The following UTRN variants were observed in gnomAD, a reference collection of about 807,000 sequenced individuals.
The protein encoded by UTRN is utrophin.
UTRN carries 283 observed loss-of-function variants against 463.9 expected under a neutral mutation model. The observed-to-expected ratio is 0.61, with a 90% confidence interval of 0.55 to 0.67. The LOEUF is 0.67. Ranked by LOEUF, UTRN falls within the 30% of genes least tolerant of loss-of-function variation. The pLI is 0.00. For missense variants in UTRN, 3,922 were observed against 4,084.3 expected (o/e 0.96, Z 1.08); for synonymous variants, 1,442 against 1,431.5 (o/e 1.01, Z -0.17).
At chr6:144,491,558 G>A (rs1420410582) in intron 32 of UTRN, among the ~76,000 whole-genome samples, 3 of 151,924 alleles carry the variant, frequency 2.0e-5, no homozygotes, top group Non-Finnish European at 4.4e-5. Flanking sequence ...GATATATAAG[G>A]CCTTATTACT....
At chr6:144,627,178 A>C in intron 51 of UTRN, among the ~76,000 whole-genome samples, 1 of 48,330 alleles carries the variant, frequency 2.1e-5, no homozygotes, top group Non-Finnish European at 4.0e-5. Flanking sequence ...GGGGTGGGGT[A>C]GGGTTGGGGG....
chr6:144,728,241 A>G (rs1389040397), intron 53 of UTRN, among the ~76,000 whole-genome samples: 2 of 152,116 alleles, frequency 1.3e-5, no homozygotes, highest in Non-Finnish European at 2.9e-5. Flanking sequence ...TTTAAGTAAC[A>G]TGATTTTTCA....
chr6:144,640,492 C>G (rs1777656612), intron 51 of UTRN, among the ~76,000 whole-genome samples: 3 of 152,004 alleles, frequency 2.0e-5, no homozygotes, highest in Non-Finnish European at 4.4e-5. Flanking sequence ...TATTTCTGTA[C>G]TAAGATCATG....
At position 144,499,332 on chromosome 6, in the gene UTRN, T is replaced by G. The variant is rs200445483; in HGVS notation, c.4669T>G (p.Ser1557Ala). ...AATGAAGAAAGAGGCTGCTTCTCTC[T>G]CTGAATGGCTTTCTGCTACTGAAAC... ...RKMKKEAASL[S>A]EWLSATETEL... Residue 1557 changes from serine to alanine, a missense_variant, in exon 34 of 75, where the codon TCT becomes GCT. By Grantham distance (99) the Ser-to-Ala change is moderately conservative (BLOSUM62 1). Transcript: ENST00000367545. 1.2e-5 allele frequency: 20 copies of G among 1,613,840 alleles called. No homozygotes were observed. The highest frequency in any genetic ancestry group is 4.5e-5 in the East Asian group (2 of 44,882).
chr6:144,402,302 C>T (rs575300747), intron 2 of UTRN, among the ~76,000 whole-genome samples: 5 of 152,214 alleles, frequency 3.3e-5, no homozygotes, highest in South Asian at 2.1e-4. Context: ...TGAGGAAAAG[C>T]GATGTTATAA....
At chr6:144,290,234 CA>C (rs1311407466) in intron 1 of UTRN, among the ~76,000 whole-genome samples, 2 of 152,080 alleles carry the variant, frequency 1.3e-5, no homozygotes, top group Non-Finnish European at 2.9e-5. Context: ...ATACATAGTC[CA>C]AATTCAGATT....
chr6:144,338,769 A>C (rs1293482790), intron 2 of UTRN, among the ~76,000 whole-genome samples: 1 of 152,166 alleles, frequency 6.6e-6, no homozygotes, highest in Non-Finnish European at 1.5e-5. Context: ...TGGATTTCGT[A>C]GGTACAGATT....
At chr6:144,470,564 C>T (rs987595632) in intron 23 of UTRN, among the ~76,000 whole-genome samples, 11 of 150,516 alleles carry the variant, frequency 7.3e-5, no homozygotes, top group African/African-American at 1.2e-4. Flanking sequence ...CGGGAAGAGG[C>T]GCTCCTCACT....
intron 17 of UTRN, among the ~76,000 whole-genome samples, chr6:144,449,105 A>G (rs1164258130): frequency 1.3e-5 from 2 of 152,086 alleles, no homozygotes; most frequent in Admixed American, 1.3e-4. Flanking sequence ...TTTCACTGTC[A>G]CAACTCGACA....
chr6:144,333,262 A>G (rs1584317025), intron 2 of UTRN: 1 of 152,146 alleles, frequency 6.6e-6, no homozygotes, highest in East Asian at 1.9e-4. Flanking sequence ...TTTTAATTCA[A>G]TACAGTCTTC....
intron 9 of UTRN, among the ~76,000 whole-genome samples, chr6:144,433,993 G>C (rs1786250937): frequency 6.6e-6 from 1 of 152,244 alleles, no homozygotes; most frequent in South Asian, 2.1e-4. Flanking sequence ...AAGGCAGGCG[G>C]CTGGGATGTG....
In UTRN at chr6:144,468,615, T is replaced by C. The variant is rs892583333; in HGVS notation, c.3067-5105T>C. ...AAATGTGTGTGTGTGTGTGTGTGTG[T>C]GCATGCGTGTGTTCTGTAAGCAGAT... On this transcript the variant is annotated intron_variant, in intron 23 of 74. Coordinates refer to ENST00000367545, the MANE Select transcript of UTRN (RefSeq NM_007124.3). Among the ~76,000 whole-genome samples, 8 of 152,148 alleles carry C rather than the reference T, an allele frequency of 5.3e-5. No individual in the cohort carries two copies. The South Asian group carries it at 6.2e-4, about 12-fold the overall frequency.
At chr6:144,370,265 G>A (rs993051445) in intron 2 of UTRN, among the ~76,000 whole-genome samples, 4 of 152,210 alleles carry the variant, frequency 2.6e-5, no homozygotes, top group African/African-American at 9.6e-5. Flanking sequence ...TAGTGGGCCA[G>A]GCCCAGGGCC....
intron 3 of UTRN, among the ~76,000 whole-genome samples, chr6:144,419,975 C>A (rs1270461209): frequency 8.2e-6 from 1 of 121,968 alleles, no homozygotes; most frequent in African/African-American, 4.3e-5. Context: ...CAGACACAGA[C>A]ACACACACAC....
rs1489460498 is a variant in UTRN, at chr6:144,403,175, A to T, written c.132A>T (p.Arg44=). ...KKTFTKWINA[R]FSKSGKPPIN... is the part of the protein sequence containing the mutation. ...CCTTTACCAAATGGATAAATGCTCG[A>T]TTTTCAAAGGTAACTGAGACTTTCA... The change falls in exon 3 of 75, where the codon CGA becomes CGT. Residue 44 remains arginine (R), a synonymous_variant. Transcript: ENST00000367545. 2.5e-6 allele frequency: 4 copies of T among 1,613,188 alleles called. No homozygotes were observed. In the South Asian group the frequency reaches 4.4e-5, roughly 18 times the overall value.
In UTRN at chr6:144,488,717, G is replaced by A; in HGVS notation, c.4017G>A (p.Leu1339=). Residue 1339 remains leucine, a synonymous_variant, in exon 30 of 75, where the codon CTG becomes CTA. Transcript: ENST00000367545. ...QISLEKQLQV[L]RETDQMLQVL... is the part of the protein sequence containing the mutation. ...CTTTGGAAAAGCAACTCCAGGTGCT[G>A]CGGGAAACTGACCAGATGCTTCAAG... The A allele has an allele frequency of 6.2e-7, 1 of 1,613,514 alleles. No individual in the cohort carries two copies. The highest frequency in any genetic ancestry group is 1.7e-5 in the Admixed American group (1 of 59,962).
At chr6:144,737,760 G>A (rs186465846) in intron 54 of UTRN, among the ~76,000 whole-genome samples, 1 of 151,794 alleles carries the variant, frequency 6.6e-6, no homozygotes, top group Admixed American at 6.6e-5. Context: ...TGAGCAATAT[G>A]GAAATACTTA....
At chr6:144,490,878 A>C in intron 31 of UTRN, 51 bp from the exon 32 acceptor site, 1 of 1,513,156 alleles carries the variant, frequency 6.6e-7, no homozygotes, top group Non-Finnish European at 8.9e-7. Context: ...GCTCATGATG[A>C]GAGAGATAAT....
At chr6:144,724,293 A>T (rs942866828) in intron 53 of UTRN, among the ~76,000 whole-genome samples, 2 of 143,818 alleles carry the variant, frequency 1.4e-5, no homozygotes, top group Admixed American at 1.4e-4. Flanking sequence ...CAGTGGCGCA[A>T]TCTCAGCCCA....
Sources: allele counts gnomAD v4.1 joint callset (sites outside exome capture counted in the v4.1 genomes callset), GRCh38; gene constraint gnomAD v4.1.1; transcripts MANE v1.5; gene names NCBI Gene and HGNC (gene_info 2026-07-23, HGNC 2026-07-21).